The following BPTF variants were observed in gnomAD, a reference collection of about 807,000 sequenced individuals.
BPTF encodes nucleosome-remodeling factor subunit BPTF.
In BPTF, 18 loss-of-function variants were observed where a neutral mutation model predicts 292.5. That is an observed-to-expected ratio of 0.06 (90% CI 0.04 to 0.09). The LOEUF (loss-of-function observed/expected upper bound fraction) is 0.09. Among genes scored for constraint, BPTF ranks in the 10% least tolerant of loss-of-function variants. The pLI is 1.00. For synonymous variants in BPTF, 1,225 were observed against 1,251.9 expected, an observed-to-expected ratio of 0.98 and a Z score of 0.45; for missense variants, 2,726 against 3,498.7, an observed-to-expected ratio of 0.78 and a Z score of 5.57.
At position 67,922,863 on chromosome 17, in the gene BPTF, G is replaced by A; in HGVS notation, c.5581G>A (p.Gly1861Ser). Residue 1861 changes from glycine to serine, a missense_variant, in exon 14 of 28, where the codon GGC (glycine) becomes AGC (serine). Transcript: ENST00000306378. ...PKETPTPQRK[G>S]LRSSALRPKR... The stretch of plus-strand genomic sequence containing the variant: ...AGAAACGCCTACACCTCAGAGGAAA[G>A]GCCTTCGATCAAGTGCACTGCGGCC... 6.2e-7 allele frequency: 1 copy of A among 1,612,122 alleles called. No individual in the cohort carries two copies. The highest frequency in any genetic ancestry group is 2.2e-5 in the East Asian group (1 of 44,858).
At chr17:67,908,681 G>C (rs1209630659) in intron 9 of BPTF, among the ~76,000 whole-genome samples, 1 of 150,306 alleles carries the variant, frequency 6.7e-6, no homozygotes, top group South Asian at 2.1e-4. Flanking sequence ...ATAGAGGCGG[G>C]GTTTCACCAT....
intron 22 of BPTF, 79 bp downstream of exon 22, chr17:67,947,887 T>G: frequency 7.2e-7 from 1 of 1,383,482 alleles, no homozygotes; most frequent in Non-Finnish European, 9.8e-7. Flanking sequence ...GAGTTTATAC[T>G]TGTTTATCTT....
chr17:67,908,826 ATTTTT>A (rs34934455), intron 9 of BPTF, among the ~76,000 whole-genome samples: 2 of 106,088 alleles, frequency 1.9e-5, no homozygotes, highest in Admixed American at 1.1e-4. Context: ...GTCACTGACA[ATTTTT>A]TTTTTTTTTT....
Position 67,834,271 on chromosome 17 carries a change from G to A in BPTF, c.613+7934G>A, listed in dbSNP as rs191442353. Among the ~76,000 whole-genome samples, 942 of 152,296 alleles carry A rather than the reference G, an allele frequency of 6.2e-3. 6 individuals carry two copies. The highest frequency in any genetic ancestry group is 0.01 in the Middle Eastern group (3 of 294). ...TTCTAATTTAATTTCATTTTGTTCA[G>A]AGAGTATACTTTGTATGACTTTAAT... On this transcript the variant is annotated intron_variant, in intron 1 of 27. Transcript: ENST00000306378.
Position 67,854,703 on chromosome 17 carries a change from A to G in BPTF, c.1377A>G (p.Glu459=), listed in dbSNP as rs2058589893. The G allele has an allele frequency of 6.2e-7, 1 of 1,614,150 alleles. No homozygotes were observed. Among genetic ancestry groups the G allele is most frequent in the Non-Finnish European group, 8.5e-7 (1 of 1,180,038 alleles). ...IQKNKPYIRH[E]PIGYDRSRRK... ...AAAATAAACCATATATTCGACATGA[A>G]CCTATTGGATATGATAGAAGTCGGA... Residue 459 remains glutamate, a synonymous_variant, in exon 2 of 28, where the codon GAA becomes GAG. Transcript: ENST00000306378. The surrounding 1 kb of genome is among the most constrained non-coding windows in gnomAD (Gnocchi z 5.6).
At chr17:67,830,451 T>C (rs2056563075) in intron 1 of BPTF, among the ~76,000 whole-genome samples, 1 of 152,228 alleles carries the variant, frequency 6.6e-6, no homozygotes, top group Admixed American at 6.5e-5. Context: ...TTTGACAATA[T>C]TATTCCTATC....
intron 4 of BPTF, among the ~76,000 whole-genome samples, chr17:67,884,103 A>G (rs995299920): frequency 1.3e-5 from 2 of 149,352 alleles, no homozygotes; most frequent in African/African-American, 4.9e-5. Flanking sequence ...ACCAGCTTTT[A>G]TTCAACCAAT....
intron 27 of BPTF, 181 bp downstream of exon 27, chr17:67,976,139 G>T: frequency 2.1e-6 from 1 of 484,744 alleles, no homozygotes; most frequent in Middle Eastern, 5.7e-4. Flanking sequence ...TGGACAAATT[G>T]CTGGGTTTGT....
At chr17:67,940,744 T>A in intron 19 of BPTF, 88 bp downstream of exon 19, 1 of 1,364,462 alleles carries the variant, frequency 7.3e-7, no homozygotes, top group Non-Finnish European at 1.0e-6. Context: ...TTTTGATACG[T>A]TTTTAAATGT....
In BPTF at chr17:67,926,413, C is replaced by T. The variant is rs181399673; in HGVS notation, c.5751+1824C>T. On this transcript the variant is annotated intron_variant, in intron 15 of 27. Coordinates refer to ENST00000306378, the MANE Select transcript of BPTF (RefSeq NM_182641.4). ...GATCTCGGCTTACTGCAAGCTCCGC[C>T]TCCCGGGTTCACGCCATTCTCCTGC... Among the ~76,000 whole-genome samples, 316 of 150,024 alleles carry T rather than the reference C, an allele frequency of 2.1e-3. 1 individual carries two copies. Among genetic ancestry groups the T allele is most frequent in the African/African-American group, 7.1e-3 (289 of 40,614 alleles).
intron 17 of BPTF, among the ~76,000 whole-genome samples, chr17:67,931,536 T>C (rs969439544): frequency 2.6e-5 from 4 of 152,182 alleles, no homozygotes; most frequent in Admixed American, 6.5e-5. Flanking sequence ...ATTTGGTTTC[T>C]GATCTTCCTG....
rs566421930 is a variant in BPTF, at chr17:67,856,998, A to G, written c.1436+2236A>G. Among the ~76,000 whole-genome samples the G allele has an allele frequency of 1.5e-3, 221 of 151,962 alleles. 1 individual carries two copies. Among genetic ancestry groups the G allele is most frequent in the African/African-American group, 5.1e-3 (212 of 41,412 alleles). ...TCCTTGTTATCATTGCGTTTTGAGG[A>G]TTGTGTTCTCAACTTCACCTTCCTT... On this transcript the variant is annotated intron_variant, in intron 2 of 27. Transcript: ENST00000306378.
chr17:67,916,739 C>T (rs1485307319), intron 11 of BPTF, among the ~76,000 whole-genome samples: 4 of 140,896 alleles, frequency 2.8e-5, no homozygotes, highest in Non-Finnish European at 6.0e-5. Flanking sequence ...GCACTCCAGC[C>T]TGGGTGACAG....
At chr17:67,951,046 T>TAATCCAC (rs2066307327) in intron 23 of BPTF, 1 of 152,068 alleles carries the variant, frequency 6.6e-6, no homozygotes, top group African/African-American at 2.4e-5. Flanking sequence ...TGGCCTCAAG[T>TAATCCAC]AATCCACCCG....
chr17:67,963,801 T>G (rs1316378224), intron 24 of BPTF, among the ~76,000 whole-genome samples: 1 of 152,210 alleles, frequency 6.6e-6, no homozygotes, highest in Non-Finnish European at 1.5e-5. Flanking sequence ...TTGTTTGGAC[T>G]TTATCAGTGT....
At position 67,826,280 on chromosome 17, in the gene BPTF, G is replaced by A. The variant is rs747831779; in HGVS notation, c.556G>A (p.Ala186Thr). The change falls in exon 1 of 28, where the codon GCC becomes ACC. Residue 186 changes from alanine to threonine, a missense_variant. By Grantham distance (58) the Ala-to-Thr change is moderately conservative. Around this residue, in one of 22 missense-constraint regions of BPTF, gnomAD observed 153 missense variants for 178.3 expected, o/e 0.86. Coordinates refer to ENST00000306378, the MANE Select transcript of BPTF (RefSeq NM_182641.4). ...GGAGATGGAAGACGACGACGACGAC[G>A]CCAGTTACTGCACGGAAAGCAGCTT... ...PEEMEDDDDD[A>T]SYCTESSFRS... 11 of 1,612,892 alleles carry A rather than the reference G, an allele frequency of 6.8e-6. No homozygotes were observed. In the Admixed American group the frequency reaches 1.2e-4, roughly 17 times the overall value.
At chr17:67,868,859 G>C (rs2059540981) in intron 3 of BPTF, among the ~76,000 whole-genome samples, 1 of 152,138 alleles carries the variant, frequency 6.6e-6, no homozygotes, top group Non-Finnish European at 1.5e-5. Context: ...TATAAATACT[G>C]TTGGGCACAA....
intron 1 of BPTF, among the ~76,000 whole-genome samples, chr17:67,847,631 C>A (rs1470114072): frequency 6.7e-6 from 1 of 148,810 alleles, no homozygotes; most frequent in Non-Finnish European, 1.5e-5. Context: ...GCCTAGATTG[C>A]GCCACTGCAC....
At chr17:67,963,493 T>C (rs1555685112) in intron 24 of BPTF, 1 of 1,531,732 alleles carries the variant, frequency 6.5e-7, no homozygotes, top group Non-Finnish European at 8.7e-7. Flanking sequence ...CAGAACACCT[T>C]ATGATGAGTC....
Sources: allele counts gnomAD v4.1 joint callset (sites outside exome capture counted in the v4.1 genomes callset), GRCh38; gene constraint gnomAD v4.1.1; regional missense constraint gnomAD v4.1.1; non-coding constraint Gnocchi (gnomAD v3.1); transcripts MANE v1.5; gene names NCBI Gene and HGNC (gene_info 2026-07-23, HGNC 2026-07-21).